SPAG17: variants seen among roughly 807,000 people sequenced by gnomAD.
SPAG17 encodes sperm-associated antigen 17.
A neutral mutation model predicts 273.6 loss-of-function variants in SPAG17; 169 were observed. The observed-to-expected ratio is 0.62, with a 90% CI of 0.55 to 0.70. SPAG17 has a LOEUF of 0.70. Ranked by LOEUF, SPAG17 falls within the 30% of genes least tolerant of loss-of-function variation. SPAG17 has a pLI of 0.00. For synonymous variants in SPAG17, 825 were observed against 873.2 expected (o/e 0.94, Z 0.97); for missense variants, 2,557 against 2,627.8 (o/e 0.97, Z 0.59).
chr1:118,051,989 G>C (rs1223090415), intron 20 of SPAG17, among the ~76,000 whole-genome samples: 3 of 136,150 alleles, frequency 2.2e-5, no homozygotes, highest in Non-Finnish European at 4.6e-5. Context: ...TATGTATTAT[G>C]TATGTATATA....
At chr1:117,954,848 A>G (rs1557826624) in intron 48 of SPAG17, among the ~76,000 whole-genome samples, 2 of 152,070 alleles carry the variant, frequency 1.3e-5, no homozygotes, top group East Asian at 3.9e-4. Flanking sequence ...CTGGACTGGC[A>G]TTCTTCTGTT....
rs1570677925 is a variant in SPAG17, at chr1:118,091,863, G to A, written c.1246+67C>T. 2.1e-5 allele frequency: 32 copies of A among 1,491,512 alleles called. No homozygotes were observed. In the East Asian group the frequency reaches 6.6e-4, roughly 31 times the overall value. 92.4% of individuals were successfully genotyped at this position (1,491,512 alleles called of 1,614,324 possible). A position where few individuals can be genotyped will look rare whatever the true frequency, so the allele number is the denominator to read the frequency against. ...AAGGGAGGCTGAAAGTAATATGGAGGGCAGTCATTATCTCTTAAAGTGCCA... is the reference window on the plus strand; with the variant it reads ...AAGGGAGGCTGAAAGTAATATGGAGAGCAGTCATTATCTCTTAAAGTGCCA... On this transcript the variant is annotated intron_variant, in intron 9 of 48. Coordinates refer to ENST00000336338, the MANE Select transcript of SPAG17 (RefSeq NM_206996.4).
intron 48 of SPAG17, chr1:117,962,757 A>G (rs1004928279): frequency 3.3e-5 from 5 of 152,226 alleles, no homozygotes; most frequent in Non-Finnish European, 7.3e-5. Context: ...ATATCTAGCA[A>G]ATCTCCAGCA....
At chr1:117,988,064 A>C in intron 39 of SPAG17, 41 bp downstream of exon 39, 24 of 1,531,116 alleles carry the variant, frequency 1.6e-5, no homozygotes, top group African/African-American at 2.8e-5. Context: ...CAATCACTGC[A>C]TACCTAATAC....
chr1:117,953,933 A>G lies in SPAG17; in HGVS notation c.*117T>C. 1.6e-6 allele frequency: 2 copies of G among 1,289,526 alleles called. No individual in the cohort carries two copies. Among genetic ancestry groups the G allele is most frequent in the South Asian group, 1.4e-5 (1 of 71,432 alleles). The allele number at this position is 1,289,526 out of a possible 1,614,324, so 79.9% of individuals were successfully genotyped here. ...TATTTCATTTGGCAAATTTCTGGTC[A>G]GTTCTTCCAGTTTCAGTGTCCTGGG... On this transcript the variant is annotated 3_prime_UTR_variant, in exon 49 of 49. Transcript: ENST00000336338.
intron 4 of SPAG17, among the ~76,000 whole-genome samples, chr1:118,106,849 T>C (rs1656428912): frequency 1.3e-5 from 2 of 152,186 alleles, no homozygotes; most frequent in Admixed American, 1.3e-4. Flanking sequence ...TTCTCCTAGG[T>C]AGGGTGTGAG....
At chr1:118,117,161 T>G (rs2102262174) in intron 3 of SPAG17, among the ~76,000 whole-genome samples, 1 of 152,258 alleles carries the variant, frequency 6.6e-6, no homozygotes. Context: ...CAAATGTGGG[T>G]TTTTAAAGGT....
At chr1:118,125,489 G>C (rs181305237) in intron 3 of SPAG17, among the ~76,000 whole-genome samples, 8 of 152,156 alleles carry the variant, frequency 5.3e-5, no homozygotes, top group Admixed American at 5.2e-4. Context: ...CTATCTAGTG[G>C]TAATTTTGTA....
chr1:118,135,054 C>G (rs1384250736), intron 3 of SPAG17, among the ~76,000 whole-genome samples: 1 of 152,200 alleles, frequency 6.6e-6, no homozygotes, highest in African/African-American at 2.4e-5. Context: ...GTGATTGGCA[C>G]ATGGAAGGCC....
chr1:118,080,030 A>G (rs1654412988), intron 15 of SPAG17, among the ~76,000 whole-genome samples: 1 of 152,186 alleles, frequency 6.6e-6, no homozygotes, highest in Admixed American at 6.6e-5. Flanking sequence ...TATAAAATTG[A>G]AAGAAAATAA....
In SPAG17 at chr1:118,151,300, G is replaced by GGGCTTGGA; in HGVS notation, c.149_156dup (p.Leu53SerfsTer31). On this transcript the variant is annotated frameshift_variant, in exon 2 of 49. Coordinates refer to ENST00000336338, the MANE Select transcript of SPAG17 (RefSeq NM_206996.4). LOFTEE classifies it high-confidence loss of function. Reference sequence around the variant, plus strand: ...TGAGGGACCTGGACAGCCACGGTAAGGGCTTGGATGAGAAGATCATCTTCA... The same window carrying GGGCTTGGA: ...TGAGGGACCTGGACAGCCACGGTAAGGGCTTGGAGGCTTGGATGAGAAGATCATCTTCA... 6.2e-7 allele frequency: 1 copy of GGGCTTGGA among 1,613,652 alleles called. No homozygotes were observed. Among genetic ancestry groups the GGGCTTGGA allele is most frequent in the Non-Finnish European group, 8.5e-7 (1 of 1,179,670 alleles).
intron 27 of SPAG17, among the ~76,000 whole-genome samples, chr1:118,024,537 T>C (rs1020951855): frequency 6.6e-6 from 1 of 152,194 alleles, no homozygotes; most frequent in African/African-American, 2.4e-5. Context: ...CCAAGATTTA[T>C]GATTCTTGAG....
At chr1:118,038,827 T>C (rs950331263) in intron 23 of SPAG17, among the ~76,000 whole-genome samples, 7 of 152,116 alleles carry the variant, frequency 4.6e-5, no homozygotes, top group Non-Finnish European at 8.8e-5. Context: ...CTACTCTGTA[T>C]GATAGTATAA....
chr1:118,152,260 T>C (rs1390594918), intron 1 of SPAG17, among the ~76,000 whole-genome samples: 1 of 152,040 alleles, frequency 6.6e-6, no homozygotes, highest in Non-Finnish European at 1.5e-5. Context: ...AATAAAGGGG[T>C]TGGACAGGGC....
intron 3 of SPAG17, among the ~76,000 whole-genome samples, chr1:118,121,044 G>C (rs1292792689): frequency 1.3e-5 from 2 of 152,116 alleles, no homozygotes; most frequent in Non-Finnish European, 2.9e-5. Context: ...GGTAAACATA[G>C]TTTTGGCATT....
chr1:117,979,846 G>C (rs1236727807), intron 43 of SPAG17, among the ~76,000 whole-genome samples: 3 of 152,002 alleles, frequency 2.0e-5, no homozygotes, highest in African/African-American at 7.2e-5. Context: ...TCTTATACTT[G>C]TCTCAACTCA....
intron 3 of SPAG17, among the ~76,000 whole-genome samples, chr1:118,116,490 C>T (rs1376019818): frequency 6.6e-6 from 1 of 152,166 alleles, no homozygotes; most frequent in Non-Finnish European, 1.5e-5. Context: ...GGCCCTTGGT[C>T]TCAGACAATG....
chr1:118,061,557 T>G (rs1006423701), intron 18 of SPAG17, among the ~76,000 whole-genome samples: 10 of 152,322 alleles, frequency 6.6e-5, no homozygotes, highest in Non-Finnish European at 1.5e-4. Context: ...GAATTGTTTT[T>G]CAACTATCAT....
chr1:117,980,025 G>A (rs1019855266), intron 43 of SPAG17, among the ~76,000 whole-genome samples: 1 of 152,042 alleles, frequency 6.6e-6, no homozygotes, highest in African/African-American at 2.4e-5. Context: ...CCCATAATAT[G>A]GGAGGGGTCT....
Sources: allele counts gnomAD v4.1 joint callset (sites outside exome capture counted in the v4.1 genomes callset), GRCh38; gene constraint gnomAD v4.1.1; transcripts MANE v1.5; gene names NCBI Gene and HGNC (gene_info 2026-07-23, HGNC 2026-07-21).